The following TMEM135 variants were observed in gnomAD, a reference collection of about 807,000 sequenced individuals.
TMEM135 encodes the protein peroxisomal membrane protein 52.
In TMEM135, 30 loss-of-function variants were observed where a neutral mutation model predicts 60.3. That is an observed-to-expected ratio of 0.50 (90% CI 0.37 to 0.68). TMEM135 has a LOEUF of 0.68. Among genes scored for constraint, TMEM135 ranks in the 30% least tolerant of loss-of-function variants. The probability of loss-of-function intolerance (pLI) is 0.00; values close to 1 mark genes in which losing one functional copy is unlikely to be tolerated. For missense variants in TMEM135, 468 were observed against 548.8 expected, an observed-to-expected ratio of 0.85 and a Z score of 1.47; for synonymous variants, 190 against 186.7, an observed-to-expected ratio of 1.02 and a Z score of -0.14.
intron 4 of TMEM135, among the ~76,000 whole-genome samples, chr11:87,118,472 G>A (rs1217375066): frequency 4.0e-5 from 6 of 150,050 alleles, no homozygotes; most frequent in African/African-American, 1.2e-4. Context: ...TTTTTGAGAC[G>A]GTGTGTCACA....
intron 6 of TMEM135, among the ~76,000 whole-genome samples, chr11:87,246,862 A>G (rs1391451439): frequency 8.5e-6 from 1 of 118,178 alleles, no homozygotes; most frequent in Non-Finnish European, 1.9e-5. Flanking sequence ...CGTCAAAGTC[A>G]TTCTCCGTCC....
intron 5 of TMEM135, among the ~76,000 whole-genome samples, chr11:87,166,863 G>C (rs568983613): frequency 1.9e-4 from 29 of 152,102 alleles, no homozygotes; most frequent in South Asian, 6.2e-4. Context: ...TAGCTTGATG[G>C]GGATAGCATT....
At chr11:87,318,609 C>T (rs1428498619) in intron 13 of TMEM135, among the ~76,000 whole-genome samples, 1 of 151,530 alleles carries the variant, frequency 6.6e-6, no homozygotes, top group Non-Finnish European at 1.5e-5. Flanking sequence ...AATTGCATTT[C>T]TCCAATATTA....
chr11:87,249,712 G>T (rs556037776), intron 6 of TMEM135, among the ~76,000 whole-genome samples: 29 of 152,180 alleles, frequency 1.9e-4, no homozygotes, highest in Non-Finnish European at 3.5e-4. Context: ...GTGGAATTTG[G>T]TTTGCTAGTA....
In TMEM135 at chr11:87,321,454, C is replaced by T. The variant is rs770081920; in HGVS notation, c.*121C>T. ...TTATTTCAGTTAGAGATACTCTTTTCATTTGTTTTGTTTTTCTTATGAATC... is the reference window on the plus strand; with the variant it reads ...TTATTTCAGTTAGAGATACTCTTTTTATTTGTTTTGTTTTTCTTATGAATC... On this transcript the variant is annotated 3_prime_UTR_variant, in exon 15 of 15. Coordinates refer to ENST00000305494, the MANE Select transcript of TMEM135 (RefSeq NM_022918.4). 2.7e-6 allele frequency: 3 copies of T among 1,119,922 alleles called. No homozygotes were observed. The highest frequency in any genetic ancestry group is 4.0e-6 in the Non-Finnish European group (3 of 749,058). The allele number at this position is 1,119,922 out of a possible 1,614,324, so 69.4% of individuals were successfully genotyped here.
chr11:87,281,285 T>C (rs1942054622), intron 6 of TMEM135, among the ~76,000 whole-genome samples: 1 of 152,154 alleles, frequency 6.6e-6, no homozygotes, highest in Admixed American at 6.5e-5. Context: ...AAAAATGCAG[T>C]TTTTTTCAGT....
chr11:87,102,704 G>GTATATATGTA (rs371053602), intron 4 of TMEM135, among the ~76,000 whole-genome samples: 29,830 of 131,512 alleles, frequency 0.23, 3,770 homozygotes, highest in East Asian at 0.54. Context: ...ATATATATAT[G>GTATATATGTA]TATATATATG....
chr11:87,044,798 C>T (rs979598984), intron 1 of TMEM135, among the ~76,000 whole-genome samples: 2 of 151,538 alleles, frequency 1.3e-5, no homozygotes, highest in Admixed American at 6.6e-5. Flanking sequence ...CTACAGGCCG[C>T]GCCACCACGC....
Position 87,102,732 on chromosome 11 carries a change from ATATATATG to A in TMEM135, c.396+11353_396+11360del, listed in dbSNP as rs1555104049. 1.7e-3 allele frequency among the ~76,000 whole-genome samples: 248 copies of A among 145,388 alleles called. 2 individuals are homozygous for A. The highest frequency in any genetic ancestry group is 6.1e-3 in the African/African-American group (232 of 38,312). ...TATATATGTATATATATATATGTATATATATATGTATATATGTATATATACAGCATGAA... is the reference window on the plus strand; with the variant it reads ...TATATATGTATATATATATATGTATATATATATGTATATATACAGCATGAA... On this transcript the variant is annotated intron_variant, in intron 4 of 14. Transcript: ENST00000305494.
intron 1 of TMEM135, among the ~76,000 whole-genome samples, chr11:87,054,741 G>A (rs531765546): frequency 6.6e-6 from 1 of 152,240 alleles, no homozygotes; most frequent in African/African-American, 2.4e-5. Context: ...ATGAAGGAAG[G>A]CTTATTCTGA....
intron 5 of TMEM135, among the ~76,000 whole-genome samples, chr11:87,158,459 G>A (rs1282152280): frequency 1.4e-5 from 2 of 138,358 alleles, no homozygotes; most frequent in South Asian, 2.4e-4. Context: ...AATCACCTTG[G>A]TATAATTTTT....
At chr11:87,231,151 C>T (rs1940881394) in intron 5 of TMEM135, among the ~76,000 whole-genome samples, 1 of 152,110 alleles carries the variant, frequency 6.6e-6, no homozygotes, top group Non-Finnish European at 1.5e-5. Flanking sequence ...AGAGGACTTT[C>T]TGAGTTGAGG....
intron 3 of TMEM135, among the ~76,000 whole-genome samples, chr11:87,086,239 G>C (rs890960838): frequency 1.3e-5 from 2 of 152,048 alleles, no homozygotes; most frequent in African/African-American, 4.8e-5. Flanking sequence ...TATGCCTTAG[G>C]TGTGAGGTAT....
intron 4 of TMEM135, among the ~76,000 whole-genome samples, chr11:87,138,973 T>C (rs1444725693): frequency 6.6e-6 from 1 of 152,204 alleles, no homozygotes; most frequent in Non-Finnish European, 1.5e-5. Flanking sequence ...CCTACGAGTA[T>C]GACATGCAGG....
chr11:87,296,082 G>T (rs1022452923), intron 7 of TMEM135, among the ~76,000 whole-genome samples: 10 of 152,124 alleles, frequency 6.6e-5, no homozygotes, highest in Non-Finnish European at 1.5e-4. Context: ...AGAAATACAA[G>T]AACTCACTTC....
At chr11:87,230,597 C>G (rs930222457) in intron 5 of TMEM135, among the ~76,000 whole-genome samples, 2 of 152,062 alleles carry the variant, frequency 1.3e-5, no homozygotes, top group Admixed American at 1.3e-4. Context: ...TGTCAATTTA[C>G]ACATGAAAGT....
chr11:87,302,578 T>A, intron 8 of TMEM135, 136 bp downstream of exon 8: 1 of 1,103,820 alleles, frequency 9.1e-7, no homozygotes, highest in Non-Finnish European at 1.4e-6. Flanking sequence ...TAGAATTTTA[T>A]AAAAGGCACA....
At chr11:87,317,824 AG>A (rs1408019771) in intron 12 of TMEM135, among the ~76,000 whole-genome samples, 3 of 152,188 alleles carry the variant, frequency 2.0e-5, no homozygotes, top group African/African-American at 7.2e-5. Flanking sequence ...AAGGATGAAC[AG>A]ATCTATCAGG....
chr11:87,253,569 G>T (rs990288120), intron 6 of TMEM135, among the ~76,000 whole-genome samples: 2 of 140,378 alleles, frequency 1.4e-5, no homozygotes, highest in Non-Finnish European at 3.1e-5. Flanking sequence ...GTTCCCAGAG[G>T]TTCCACTGGA....
Sources: allele counts gnomAD v4.1 joint callset (sites outside exome capture counted in the v4.1 genomes callset), GRCh38; gene constraint gnomAD v4.1.1; transcripts MANE v1.5; gene names NCBI Gene and HGNC (gene_info 2026-07-23, HGNC 2026-07-21).